CRLF2: variants seen among roughly 807,000 people sequenced by gnomAD.
CRLF2 encodes the protein cytokine receptor like factor 2.
Under a neutral mutation model 38.7 loss-of-function variants are expected in CRLF2, and 41 were observed. That is an observed-to-expected ratio of 1.06 (90% CI 0.83 to 1.37). The LOEUF (loss-of-function observed/expected upper bound fraction) is 1.37, where lower values mean the gene tolerates loss of function less well. CRLF2 is among the 40% of genes most tolerant of loss of function. The pLI is 0.00. For synonymous variants in CRLF2, 140 were observed against 128.8 expected (o/e 1.09, Z -0.59); for missense variants, 377 against 322.2 (o/e 1.17, Z -1.30).
intron 1 of CRLF2, among the ~76,000 whole-genome samples, chrX:1,211,196 GATGC>G (rs1451891005): frequency 5.0e-5 from 7 of 140,216 alleles, no homozygotes; most frequent in South Asian, 2.3e-4. Flanking sequence ...TGGATGGATG[GATGC>G]ATGGATAGAT....
Position 1,196,633 on chromosome X carries a change from C to T in CRLF2, c.767+147G>A, listed in dbSNP as rs1222322311. ...ACCATGCCCAGCCCCTCCGAAATTT[C>T]TTATAATCCACCATCAGAAGAGTGG... is the stretch of plus-strand genomic sequence containing the variant. On this transcript the variant is annotated intron_variant, in intron 6 of 7. Coordinates refer to ENST00000400841, the MANE Select transcript of CRLF2 (RefSeq NM_022148.4). The T allele has an allele frequency of 6.5e-6, 7 of 1,083,194 alleles. No homozygotes were observed. The African/African-American group carries it at 9.7e-5, about 15-fold the overall frequency. 67.1% of individuals were successfully genotyped at this position (1,083,194 alleles called of 1,614,324 possible).
intron 7 of CRLF2, among the ~76,000 whole-genome samples, chrX:1,192,707 CTTTTCTTTCTTT>C (rs2086408988): frequency 1.1e-5 from 1 of 90,608 alleles, no homozygotes; most frequent in South Asian, 3.4e-4. Context: ...CTTTTCTTTT[CTTTTCTTTCTTT>C]CTTTCTTTCT....
intron 2 of CRLF2, 30 bp downstream of exon 2, chrX:1,208,776 C>T (rs1239900438): frequency 1.1e-5 from 14 of 1,297,456 alleles, no homozygotes; most frequent in Non-Finnish European, 1.6e-5. Context: ...GCCCCCTGGG[C>T]GTGGGGTTCG....
At chrX:1,210,868 G>A (rs1201585110) in intron 1 of CRLF2, among the ~76,000 whole-genome samples, 9 of 152,182 alleles carry the variant, frequency 5.9e-5, no homozygotes, top group Non-Finnish European at 1.0e-4. Context: ...CAAGTGGATG[G>A]GTGGGTGGAT....
chrX:1,209,006 T>G, intron 1 of CRLF2, 98 bp from the exon 2 acceptor site: 1 of 745,830 alleles, frequency 1.3e-6, no homozygotes, highest in Non-Finnish European at 2.2e-6. Context: ...CTCACTCTGT[T>G]GCCCAGGCTG....
intron 2 of CRLF2, among the ~76,000 whole-genome samples, chrX:1,207,416 C>T (rs2086710799): frequency 6.6e-6 from 1 of 151,664 alleles, no homozygotes; most frequent in Admixed American, 6.6e-5. Context: ...CCCCCGCGCC[C>T]GGCTAATTTT....
At chrX:1,195,184 T>C (rs1242746268) in intron 6 of CRLF2, among the ~76,000 whole-genome samples, 5 of 150,882 alleles carry the variant, frequency 3.3e-5, no homozygotes, top group African/African-American at 7.3e-5. Context: ...CAGAGTGAGA[T>C]TCCGTCTCAA....
intron 1 of CRLF2, among the ~76,000 whole-genome samples, 163 bp from the exon 2 acceptor site, chrX:1,209,071 G>A (rs1315521571): frequency 6.9e-6 from 1 of 145,274 alleles, no homozygotes; most frequent in Non-Finnish European, 1.5e-5. Context: ...GGGTTCAAGC[G>A]ATTCCCCTGC....
Position 1,206,520 on chromosome X carries a change from C to A in CRLF2, c.262G>T (p.Ala88Ser). The A allele has an allele frequency of 6.2e-7, 1 of 1,613,484 alleles. No individual in the cohort carries two copies. Among genetic ancestry groups the A allele is most frequent in the South Asian group, 1.1e-5 (1 of 91,062 alleles). ...TAGAGAATGTCGTCTCGCTGCTCTG[C>A]GTCTAGGAGGCACCCCGAAGTGTGA... is the stretch of plus-strand genomic sequence containing the variant. ...EGHTSGCLLD[A>S]EQRDDILYFS... The change falls in exon 3 of 8, where the codon GCA becomes TCA. Residue 88 changes from alanine to serine, a missense_variant. Coordinates refer to ENST00000400841, the MANE Select transcript of CRLF2 (RefSeq NM_022148.4).
chrX:1,196,874 G>A lies in CRLF2; in HGVS notation c.673C>T (p.Pro225Ser). The A allele has an allele frequency of 6.2e-7, 1 of 1,613,574 alleles. No individual in the cohort carries two copies. Among genetic ancestry groups the A allele is most frequent in the Non-Finnish European group, 8.5e-7 (1 of 1,179,684 alleles). ...RDACAETPTP[P>S]KPKLSKFILI... ...ATAAATTTGGACAGCTTTGGTTTGG[G>A]AGGCGTTGGTGTCTCTGCACAGGCA... is the stretch of plus-strand genomic sequence containing the variant. Residue 225 changes from proline to serine, a missense_variant, in exon 6 of 8, where the codon CCC becomes TCC. Physicochemically the swap from Pro to Ser is moderately conservative, Grantham distance 74 (BLOSUM62 -1). Coordinates refer to ENST00000400841, the MANE Select transcript of CRLF2 (RefSeq NM_022148.4).
In CRLF2 at chrX:1,198,736, T is replaced by TACACAGAC; in HGVS notation, c.484-13_484-12insGTCTGTGT. ...TTTTCCTGTTTGGACTGGAGAAACA[T>TACACAGAC]ACACACACACACACACACACACACA... On this transcript the variant is annotated splice_polypyrimidine_tract_variant and intron_variant, in intron 4 of 7. Coordinates refer to ENST00000400841, the MANE Select transcript of CRLF2 (RefSeq NM_022148.4). 1 of 826,962 alleles carries TACACAGAC rather than the reference T, an allele frequency of 1.2e-6. No homozygotes were observed. Among genetic ancestry groups the TACACAGAC allele is most frequent in the Non-Finnish European group, 1.9e-6 (1 of 534,256 alleles). 51.2% of individuals were successfully genotyped at this position (826,962 alleles called of 1,614,324 possible).
intron 4 of CRLF2, among the ~76,000 whole-genome samples, chrX:1,201,997 T>G (rs1255714604): frequency 1.5e-5 from 2 of 131,754 alleles, no homozygotes; most frequent in Non-Finnish European, 3.4e-5. Flanking sequence ...GAGATAGAGA[T>G]AAAATAGAAT....
At chrX:1,211,805 GTGGA>G (rs761055962) in intron 1 of CRLF2, among the ~76,000 whole-genome samples, 13 of 74,958 alleles carry the variant, frequency 1.7e-4, no homozygotes, top group African/African-American at 8.0e-4. Context: ...GGATGGATGG[GTGGA>G]TGGATGGATG....
At chrX:1,205,096 G>C (rs1166704117) in intron 3 of CRLF2, among the ~76,000 whole-genome samples, 1 of 152,208 alleles carries the variant, frequency 6.6e-6, no homozygotes, top group Non-Finnish European at 1.5e-5. Context: ...CATAGTGCTG[G>C]GATTACAGGC....
intron 5 of CRLF2, among the ~76,000 whole-genome samples, chrX:1,197,514 C>T (rs1368865381): frequency 6.6e-6 from 1 of 151,830 alleles, no homozygotes; most frequent in Non-Finnish European, 1.5e-5. Context: ...AAATCATGCC[C>T]CCTGAAAACA....
intron 1 of CRLF2, 127 bp from the exon 2 acceptor site, chrX:1,209,035 T>C (rs2086741205): frequency 1.7e-6 from 1 of 603,422 alleles, no homozygotes; most frequent in African/African-American, 1.9e-5. Context: ...TGGCACGATC[T>C]CGGCTCACTG....
Position 1,191,119 on chromosome X carries a change from C to T in CRLF2, c.894G>A (p.Lys298=), listed in dbSNP as rs2086365774. 2.8e-5 allele frequency: 11 copies of T among 398,696 alleles called. No individual in the cohort carries two copies. The South Asian group carries it at 3.8e-4, about 14-fold the overall frequency. The allele number at this position is 398,696 out of a possible 1,614,324, so 24.7% of individuals were successfully genotyped here. The change falls in exon 8 of 8, where the codon AAG becomes AAA. Residue 298 remains lysine (K), a synonymous_variant. Coordinates refer to ENST00000400841, the MANE Select transcript of CRLF2 (RefSeq NM_022148.4). The stretch of plus-strand genomic sequence containing the variant: ...CACTTTCTTGCTCTGCACCTGCCAT[C>T]TTGTGGAGGTGGGCCACGTTCTGGG... The part of the protein sequence containing the change: ...TDTQNVAHLH[K]MAGAEQESGP...
At chrX:1,201,307 T>A (rs777876369) in intron 4 of CRLF2, among the ~76,000 whole-genome samples, 41 of 148,462 alleles carry the variant, frequency 2.8e-4, no homozygotes, top group African/African-American at 9.7e-4. Flanking sequence ...TCTGTGCATG[T>A]CTGTGTGTGC....
intron 3 of CRLF2, among the ~76,000 whole-genome samples, chrX:1,205,085 C>T (rs1350123286): frequency 6.6e-6 from 1 of 152,204 alleles, no homozygotes; most frequent in African/African-American, 2.4e-5. Flanking sequence ...CCTTGGCCTC[C>T]CATAGTGCTG....
Sources: allele counts gnomAD v4.1 joint callset (sites outside exome capture counted in the v4.1 genomes callset), GRCh38; gene constraint gnomAD v4.1.1; transcripts MANE v1.5; gene names NCBI Gene and HGNC (gene_info 2026-07-23, HGNC 2026-07-21).